CCZ1B: variants seen among roughly 807,000 people sequenced by gnomAD.
The protein encoded by CCZ1B is vacuolar fusion protein CCZ1 homolog B.
CCZ1B carries 25 observed loss-of-function variants against 58.8 expected under a neutral mutation model. That is an observed-to-expected ratio of 0.43 (90% CI 0.31 to 0.59). CCZ1B has a LOEUF of 0.59. CCZ1B is among the 20% of genes least tolerant of loss of function. The pLI, the probability that CCZ1B is intolerant of heterozygous loss-of-function variation, is 0.12. For missense variants in CCZ1B, 180 were observed against 501.5 expected (o/e 0.36, Z 6.12); for synonymous variants, 66 against 173.2 (o/e 0.38, Z 4.86).
intron 10 of CCZ1B, among the ~76,000 whole-genome samples, chr7:6,809,450 T>C (rs1782885955): frequency 6.9e-6 from 1 of 145,714 alleles, no homozygotes; most frequent in Non-Finnish European, 1.5e-5. Flanking sequence ...ACTCTAAAAA[T>C]AGAAATGCAG....
chr7:6,803,897 T>C (rs1397019501), intron 12 of CCZ1B, among the ~76,000 whole-genome samples: 2 of 144,088 alleles, frequency 1.4e-5, no homozygotes, highest in African/African-American at 5.1e-5. Context: ...TGCAGTGAGC[T>C]GAGAACAGAC....
chr7:6,823,093 T>C (rs1165732012), intron 5 of CCZ1B, among the ~76,000 whole-genome samples: 5 of 148,610 alleles, frequency 3.4e-5, no homozygotes, highest in African/African-American at 5.1e-5. Flanking sequence ...GGGGACACAT[T>C]CCTACTATAA....
Position 6,819,238 on chromosome 7 carries a change from TTC to T in CCZ1B, c.698+526_698+527del, listed in dbSNP as rs1166853194. On this transcript the variant is annotated intron_variant, in intron 7 of 14. Coordinates refer to ENST00000316731, the MANE Select transcript of CCZ1B (RefSeq NM_198097.5). Reference sequence around the variant, plus strand: ...TCCTAAATCTTACTTGATAGGAACATTCTTTTTTTTTTTTTGGAGACAGAGTC... The same window carrying T: ...TCCTAAATCTTACTTGATAGGAACATTTTTTTTTTTTTTGGAGACAGAGTC... Among the ~76,000 whole-genome samples the T allele has an allele frequency of 1.2e-3, 168 of 134,596 alleles. 8 individuals are homozygous for T. The highest frequency in any genetic ancestry group is 4.8e-3 in the African/African-American group (164 of 33,952). 88.3% of individuals were successfully genotyped at this position (134,596 alleles called of 152,430 possible). A position where few individuals can be genotyped will look rare whatever the true frequency, so the allele number is the denominator to read the frequency against.
intron 10 of CCZ1B, 38 bp downstream of exon 10, chr7:6,811,914 A>G (rs1301646071): frequency 6.3e-7 from 1 of 1,596,212 alleles, no homozygotes; most frequent in East Asian, 2.2e-5. Flanking sequence ...GATCCATTTC[A>G]GCACAATCAT....
In CCZ1B at chr7:6,823,343, C is replaced by A; in HGVS notation, c.408G>T (p.Ser136=). The A allele has an allele frequency of 1.2e-6, 2 of 1,608,010 alleles. No homozygotes were observed. Among genetic ancestry groups the A allele is most frequent in the Admixed American group, 1.7e-5 (1 of 59,564 alleles). ...EEELLDKVYS[S]VLRQCYSMYK... Reference sequence around the variant, plus strand: ...ACATGCTGTAGCACTGCCGCAGCACCGAGCTATAAACCTTGTCCTGCAGAC... The same window carrying A: ...ACATGCTGTAGCACTGCCGCAGCACAGAGCTATAAACCTTGTCCTGCAGAC... Residue 136 remains serine, a synonymous_variant, in exon 5 of 15, where the codon TCG becomes TCT. Transcript: ENST00000316731.
chr7:6,812,443 C>T (rs552508078), intron 9 of CCZ1B: 49 of 278,758 alleles, frequency 1.8e-4, no homozygotes, highest in Admixed American at 2.3e-4. Flanking sequence ...GAGCTGAGAT[C>T]GTGCCACTGT....
intron 10 of CCZ1B, 123 bp downstream of exon 10, chr7:6,811,829 A>C (rs1391633904): frequency 1.7e-5 from 11 of 645,410 alleles, no homozygotes; most frequent in Non-Finnish European, 3.0e-5. Flanking sequence ...GTTTTACCAT[A>C]ATCAGAACTT....
Position 6,799,109 on chromosome 7 carries a change from G to T in CCZ1B, c.*115C>A. 2.9e-6 allele frequency: 2 copies of T among 686,638 alleles called. 1 individual carries two copies. Among genetic ancestry groups the T allele is most frequent in the Non-Finnish European group, 4.1e-6 (2 of 493,210 alleles). The allele number at this position is 686,638 out of a possible 1,614,324, so 42.5% of individuals were successfully genotyped here. A position where few individuals can be genotyped will look rare whatever the true frequency, so the allele number is the denominator to read the frequency against. ...CCGAGTCGAAATCTGATTCTTCAAAGCAAGTATTGCTTTACCCTTGTCCTG... is the reference window on the plus strand; with the variant it reads ...CCGAGTCGAAATCTGATTCTTCAAATCAAGTATTGCTTTACCCTTGTCCTG... On this transcript the variant is annotated 3_prime_UTR_variant, in exon 15 of 15. Coordinates refer to ENST00000316731, the MANE Select transcript of CCZ1B (RefSeq NM_198097.5).
At chr7:6,803,914 A>G (rs1203714643) in intron 12 of CCZ1B, among the ~76,000 whole-genome samples, 3 of 146,452 alleles carry the variant, frequency 2.0e-5, no homozygotes, top group African/African-American at 2.5e-5. Flanking sequence ...AGACCATTGC[A>G]CACTCCAGCC....
At chr7:6,804,147 G>A (rs1199327815) in intron 12 of CCZ1B, among the ~76,000 whole-genome samples, 3 of 149,910 alleles carry the variant, frequency 2.0e-5, no homozygotes, top group East Asian at 4.0e-4. Context: ...AGGCATGGCC[G>A]GGTGCGGTAG....
At position 6,824,151 on chromosome 7, in the gene CCZ1B, T is replaced by G; in HGVS notation, c.328A>C (p.Ile110Leu). The G allele has an allele frequency of 6.8e-7, 1 of 1,468,586 alleles. No individual in the cohort carries two copies. Among genetic ancestry groups the G allele is most frequent in the Non-Finnish European group, 9.1e-7 (1 of 1,093,830 alleles). The allele number at this position is 1,468,586 out of a possible 1,614,324, so 91.0% of individuals were successfully genotyped here. ...CCATCTTTACTCTGTTTTTCAATTA[T>G]AGGATTCCGAACAACCTACAAAGTT... ...FWMVMVVRNP[I>L]IEKQSKDGKP... The change falls in exon 4 of 15, where the codon ATA (isoleucine) becomes CTA (leucine). Residue 110 changes from isoleucine (I) to leucine (L), a missense_variant. Ile to Leu is a conservative substitution (Grantham distance 5). Coordinates refer to ENST00000316731, the MANE Select transcript of CCZ1B (RefSeq NM_198097.5).
At chr7:6,820,241 C>T (rs1235941925) in intron 6 of CCZ1B, among the ~76,000 whole-genome samples, 2 of 149,342 alleles carry the variant, frequency 1.3e-5, no homozygotes, top group East Asian at 1.9e-4. Flanking sequence ...TGCAGTGGTG[C>T]GATCTCAGCT....
intron 5 of CCZ1B, 83 bp from the exon 6 acceptor site, chr7:6,822,447 G>A (rs1445091478): frequency 6.8e-7 from 1 of 1,476,646 alleles, no homozygotes; most frequent in Non-Finnish European, 9.0e-7. Context: ...TTTTCCTTTA[G>A]ATTATTAATT....
At position 6,814,053 on chromosome 7, in the gene CCZ1B, G is replaced by A. The variant is rs1206616418; in HGVS notation, c.780+711C>T. ...CTCAGCTACTTGGGAGCCTGAGGCC[G>A]GAGAATTGTTTGAATCCAGGAAGCG... On this transcript the variant is annotated intron_variant, in intron 8 of 14. Transcript: ENST00000316731. 3.4e-5 allele frequency among the ~76,000 whole-genome samples: 5 copies of A among 148,642 alleles called. 1 individual carries two copies. The highest frequency in any genetic ancestry group is 1.5e-5 in the Non-Finnish European group (1 of 67,586).
chr7:6,822,108 A>C (rs552762990), intron 6 of CCZ1B, among the ~76,000 whole-genome samples, 173 bp downstream of exon 6: 5 of 149,700 alleles, frequency 3.3e-5, no homozygotes, highest in Non-Finnish European at 7.4e-5. Flanking sequence ...GTTCCAGAGC[A>C]CACGCCTCAT....
At position 6,824,451 on chromosome 7, in the gene CCZ1B, A is replaced by G. The variant is rs1206890138; in HGVS notation, c.312+4T>C. ...TCAGAAAGATACACTGTGTGTGTAA[A>G]TACCATGACCATCCAGAAATTTTCT... On this transcript the variant is annotated splice_donor_region_variant and intron_variant, in intron 3 of 14. Transcript: ENST00000316731. 1 of 1,604,958 alleles carries G rather than the reference A, an allele frequency of 6.2e-7. No individual in the cohort carries two copies. The highest frequency in any genetic ancestry group is 1.7e-5 in the Admixed American group (1 of 59,568).
At chr7:6,814,697 A>G (rs1782970321) in intron 8 of CCZ1B, 67 bp downstream of exon 8, 1 of 1,399,048 alleles carries the variant, frequency 7.1e-7, no homozygotes, top group South Asian at 1.2e-5. Flanking sequence ...ATGCACCACC[A>G]TCTCACTCCA....
chr7:6,815,119 G>GA (rs1232570190), intron 7 of CCZ1B, among the ~76,000 whole-genome samples: 2 of 142,378 alleles, frequency 1.4e-5, no homozygotes, highest in African/African-American at 5.4e-5. Context: ...CTTTTCCAAA[G>GA]AATTTGAAGC....
intron 10 of CCZ1B, among the ~76,000 whole-genome samples, chr7:6,808,374 A>C: frequency 9.2e-6 from 1 of 108,190 alleles, no homozygotes; most frequent in African/African-American, 3.2e-5. Context: ...CATCTCAAAA[A>C]CCAAAAAACC....
Sources: allele counts gnomAD v4.1 joint callset (sites outside exome capture counted in the v4.1 genomes callset), GRCh38; gene constraint gnomAD v4.1.1; transcripts MANE v1.5; gene names NCBI Gene and HGNC (gene_info 2026-07-23, HGNC 2026-07-21).